Variants in CADM2 observed in about 807,000 individuals in gnomAD.
CADM2 encodes immunoglobulin superfamily member 4D.
CADM2 carries 12 observed loss-of-function variants against 49.8 expected under a neutral mutation model. The ratio of observed to expected loss-of-function variants is 0.24; its 90% CI spans 0.15 to 0.39. The LOEUF (loss-of-function observed/expected upper bound fraction) is 0.39, where lower values mean the gene tolerates loss of function less well. Ranked by LOEUF, CADM2 falls within the 10% of genes least tolerant of loss-of-function variation. CADM2 has a pLI of 1.00. For synonymous variants in CADM2, 214 were observed against 175.4 expected (o/e 1.22, Z -1.74); for missense variants, 378 against 492.3 (o/e 0.77, Z 2.20).
intron 1 of CADM2, among the ~76,000 whole-genome samples, chr3:85,002,582 T>A (rs987773044): frequency 4.0e-5 from 6 of 150,354 alleles, no homozygotes; most frequent in Admixed American, 2.0e-4. Context: ...AGTAAATAAT[T>A]ATTATTTTTT....
At chr3:85,470,908 G>A (rs1174576197) in intron 1 of CADM2, among the ~76,000 whole-genome samples, 1 of 151,984 alleles carries the variant, frequency 6.6e-6, no homozygotes, top group Non-Finnish European at 1.5e-5. Context: ...CCAATTAACT[G>A]GAAAAATATA....
At chr3:85,972,840 G>A (rs1726312675) in intron 8 of CADM2, among the ~76,000 whole-genome samples, 1 of 151,614 alleles carries the variant, frequency 6.6e-6, no homozygotes, top group Non-Finnish European at 1.5e-5. Context: ...GCTCTAATAA[G>A]CTCCAATAAC....
chr3:85,807,798 C>G (rs2072547452), intron 3 of CADM2, among the ~76,000 whole-genome samples: 1 of 151,972 alleles, frequency 6.6e-6, no homozygotes, highest in African/African-American at 2.4e-5. Flanking sequence ...TATACCTTGT[C>G]CAGTTCCAGC....
intron 1 of CADM2, among the ~76,000 whole-genome samples, chr3:85,702,370 G>T (rs184670130): frequency 2.0e-5 from 3 of 151,802 alleles, no homozygotes; most frequent in African/African-American, 7.2e-5. Flanking sequence ...TTCTTTTTCA[G>T]CTCCTCTCTG....
chr3:85,246,862 T>C (rs1467808255), intron 1 of CADM2, among the ~76,000 whole-genome samples: 1 of 152,124 alleles, frequency 6.6e-6, no homozygotes, highest in Non-Finnish European at 1.5e-5. Flanking sequence ...TTGCTGTGTA[T>C]ATTTTGTTGG....
chr3:85,197,565 T>A (rs1420296504), intron 1 of CADM2, among the ~76,000 whole-genome samples: 2 of 151,852 alleles, frequency 1.3e-5, no homozygotes, highest in Non-Finnish European at 2.9e-5. Context: ...ATACAGATAG[T>A]TAATTGACAC....
chr3:85,044,167 G>T (rs2035556879), intron 1 of CADM2, among the ~76,000 whole-genome samples: 1 of 152,136 alleles, frequency 6.6e-6, no homozygotes, highest in Admixed American at 6.5e-5. Context: ...ATGATCCTGT[G>T]CCTATGACTT....
chr3:85,607,421 A>G (rs1244789766), intron 1 of CADM2, among the ~76,000 whole-genome samples: 3 of 152,112 alleles, frequency 2.0e-5, no homozygotes, highest in Admixed American at 6.6e-5. Flanking sequence ...AACAGCTTAA[A>G]GAGAGATGCT....
At chr3:85,040,853 G>A (rs1306942527) in intron 1 of CADM2, among the ~76,000 whole-genome samples, 1 of 152,106 alleles carries the variant, frequency 6.6e-6, no homozygotes, top group Non-Finnish European at 1.5e-5. Context: ...TGTCAAGGTG[G>A]TCTTTATTAC....
At chr3:85,577,788 T>G (rs1160703080) in intron 1 of CADM2, among the ~76,000 whole-genome samples, 2 of 152,108 alleles carry the variant, frequency 1.3e-5, no homozygotes, top group Non-Finnish European at 2.9e-5. Flanking sequence ...CAAGTAAAGT[T>G]TTTAAATTGC....
chr3:84,997,957 A>G (rs977811322), intron 1 of CADM2, among the ~76,000 whole-genome samples: 13 of 152,032 alleles, frequency 8.6e-5, no homozygotes, highest in Non-Finnish European at 1.9e-4. Flanking sequence ...TGACTGTAGG[A>G]GTTAGTTTTT....
intron 8 of CADM2, among the ~76,000 whole-genome samples, chr3:86,005,964 T>G (rs1199707538): frequency 6.6e-6 from 1 of 152,184 alleles, no homozygotes; most frequent in African/African-American, 2.4e-5. Context: ...AGTGAGAACA[T>G]GCAGTGTTTA....
chr3:85,429,436 A>G lies in CADM2; in HGVS notation c.62-297086A>G, dbSNP rs950663840. Among the ~76,000 whole-genome samples the G allele has an allele frequency of 4.6e-5, 7 of 152,214 alleles. No homozygotes were observed. The East Asian group carries it at 7.7e-4, about 17-fold the overall frequency. On this transcript the variant is annotated intron_variant, in intron 1 of 9. Transcript: ENST00000383699. ...TAATAAATATGAGCAATCAACTGGT[A>G]TAGGGTTTTAATTATATATCGTTAA...
intron 1 of CADM2, among the ~76,000 whole-genome samples, chr3:85,466,584 T>A (rs2038501782): frequency 6.6e-6 from 1 of 152,156 alleles, no homozygotes; most frequent in Non-Finnish European, 1.5e-5. Context: ...ATAGTTTCAA[T>A]CTCAATATAA....
intron 1 of CADM2, among the ~76,000 whole-genome samples, chr3:85,640,520 A>G (rs920095366): frequency 6.6e-6 from 1 of 152,214 alleles, no homozygotes; most frequent in Non-Finnish European, 1.5e-5. Flanking sequence ...TTAGTATTCC[A>G]TGCATCAGTA....
chr3:85,926,186 G>GAAA (rs1202085590), intron 6 of CADM2, among the ~76,000 whole-genome samples: 157 of 145,702 alleles, frequency 1.1e-3, no homozygotes, highest in African/African-American at 1.9e-3. Flanking sequence ...ATAGAAAATA[G>GAAA]ATAATAAAGT....
At chr3:85,840,875 T>C (rs938049161) in intron 3 of CADM2, among the ~76,000 whole-genome samples, 2 of 151,814 alleles carry the variant, frequency 1.3e-5, no homozygotes, top group Non-Finnish European at 2.9e-5. Context: ...AAACTGGGCA[T>C]ATGTAGGGAC....
At chr3:85,647,322 T>G (rs1183820388) in intron 1 of CADM2, among the ~76,000 whole-genome samples, 2 of 151,746 alleles carry the variant, frequency 1.3e-5, no homozygotes, top group African/African-American at 4.8e-5. Flanking sequence ...AACACGGAGC[T>G]TTCCTTTTAG....
intron 1 of CADM2, among the ~76,000 whole-genome samples, chr3:85,708,177 C>T (rs530728966): frequency 6.6e-6 from 1 of 151,996 alleles, no homozygotes; most frequent in Non-Finnish European, 1.5e-5. Flanking sequence ...CTTTTTAGTA[C>T]CTAGGAAGAA....
Sources: gnomAD v4.1 joint callset for allele counts (sites outside exome capture counted in the v4.1 genomes callset) on GRCh38, gnomAD v4.1.1 for gene constraint, MANE v1.5 for transcripts, NCBI Gene and HGNC (gene_info 2026-07-23, HGNC 2026-07-21) for gene names.